KNG1: variants seen among roughly 807,000 people sequenced by gnomAD.
KNG1 encodes kininogen 1.
In KNG1, 23 loss-of-function variants were observed where a neutral mutation model predicts 47.8. The ratio of observed to expected loss-of-function variants is 0.48; its 90% CI spans 0.35 to 0.68. KNG1 has a LOEUF of 0.68. Among genes scored for constraint, KNG1 ranks in the 30% least tolerant of loss-of-function variants. The pLI is 0.01. For synonymous variants in KNG1, 277 were observed against 277.0 expected, an observed-to-expected ratio of 1.00 and a Z score of 0.00; for missense variants, 762 against 790.2, an observed-to-expected ratio of 0.96 and a Z score of 0.43.
chr3:186,725,380 G>C, intron 4 of KNG1, 120 bp downstream of exon 4: 1 of 969,744 alleles, frequency 1.0e-6, no homozygotes, highest in South Asian at 1.4e-5. Context: ...GAAGCGAAGA[G>C]CTTTCTCCTT....
At chr3:186,739,731 G>A (rs182792524) in intron 9 of KNG1, among the ~76,000 whole-genome samples, 3 of 152,328 alleles carry the variant, frequency 2.0e-5, no homozygotes, top group Admixed American at 1.3e-4. Context: ...GCACTCCACT[G>A]CATTCTGCTG....
chr3:186,719,585 C>G (rs974034927), intron 1 of KNG1, among the ~76,000 whole-genome samples: 1 of 151,896 alleles, frequency 6.6e-6, no homozygotes, highest in African/African-American at 2.4e-5. Context: ...AAAAAGTAGC[C>G]AGGCGTGGTG....
At chr3:186,730,529 G>A (rs1043250562) in intron 5 of KNG1, among the ~76,000 whole-genome samples, 6 of 151,116 alleles carry the variant, frequency 4.0e-5, no homozygotes, top group African/African-American at 9.7e-5. Context: ...GGTGGCAGAC[G>A]CCTGTAATCC....
Position 186,742,340 on chromosome 3 carries a change from G to C in KNG1, c.*9G>C. The C allele has an allele frequency of 6.2e-7, 1 of 1,613,226 alleles. No homozygotes were observed. Among genetic ancestry groups the C allele is most frequent in the Non-Finnish European group, 8.5e-7 (1 of 1,179,786 alleles). ...CTGATGGCCTTTCTTAATTTAAGTG[G>C]CTATGGGTATTTCTTTCATACTTTA... is the stretch of plus-strand genomic sequence containing the variant. On this transcript the variant is annotated 3_prime_UTR_variant, in exon 10 of 10. Transcript: ENST00000644859.
Position 186,739,171 on chromosome 3 carries a change from G to A in KNG1, c.1003G>A (p.Glu335Lys). Residue 335 changes from glutamate to lysine, a missense_variant, in exon 8 of 10, where the codon GAG becomes AAG. Glu to Lys is a moderately conservative substitution (Grantham distance 56). Coordinates refer to ENST00000644859, the MANE Select transcript of KNG1 (RefSeq NM_001102416.3). ...CACATGTTCCAAGGAAAGTAATGAA[G>A]AGTTGACCGAAAGCTGTGAGACCAA... ...ETTCSKESNE[E>K]LTESCETKKL... 6.2e-7 allele frequency: 1 copy of A among 1,614,202 alleles called. No homozygotes were observed. The highest frequency in any genetic ancestry group is 8.5e-7 in the Non-Finnish European group (1 of 1,180,042).
chr3:186,740,337 A>G (rs1188144800), intron 9 of KNG1, among the ~76,000 whole-genome samples: 1 of 152,094 alleles, frequency 6.6e-6, no homozygotes, highest in East Asian at 1.9e-4. Context: ...TTTCACCCAC[A>G]TTTTCGAGTC....
chr3:186,733,355 A>G (rs1474223721), intron 7 of KNG1, among the ~76,000 whole-genome samples: 2 of 152,176 alleles, frequency 1.3e-5, no homozygotes, highest in African/African-American at 4.8e-5. Flanking sequence ...CTCATCTCTC[A>G]TTATAACATC....
chr3:186,725,704 T>C (rs1579117587), intron 4 of KNG1, among the ~76,000 whole-genome samples: 2 of 127,044 alleles, frequency 1.6e-5, no homozygotes, highest in South Asian at 5.2e-4. Flanking sequence ...GCCACCACAC[T>C]GGCTAATTTT....
chr3:186,719,537 G>A (rs1248888620), intron 1 of KNG1, among the ~76,000 whole-genome samples: 3 of 152,092 alleles, frequency 2.0e-5, no homozygotes, highest in Admixed American at 6.5e-5. Context: ...TCAGGAGATC[G>A]AGACCATGGT....
rs375284071 is a variant in KNG1, at chr3:186,741,867, C to T, written c.1471C>T (p.Leu491Phe). The T allele has an allele frequency of 8.1e-6, 13 of 1,613,704 alleles. No homozygotes were observed. The highest frequency in any genetic ancestry group is 1.7e-6 in the Non-Finnish European group (2 of 1,179,824). ...DDLEHQGGHV[L>F]DHGHKHKHGH... ...TCTTGAACACCAAGGGGGCCATGTC[C>T]TTGACCATGGACATAAGCATAAGCA... is the stretch of plus-strand genomic sequence containing the variant. The change falls in exon 10 of 10, where the codon CTT (leucine) becomes TTT (phenylalanine). Residue 491 changes from leucine to phenylalanine, a missense_variant. Coordinates refer to ENST00000644859, the MANE Select transcript of KNG1 (RefSeq NM_001102416.3).
chr3:186,718,001 C>A, intron 1 of KNG1: 1 of 363,866 alleles, frequency 2.7e-6, no homozygotes, highest in Non-Finnish European at 5.1e-6. Context: ...CACCCACCAC[C>A]ACCCACCACC....
At position 186,723,410 on chromosome 3, in the gene KNG1, T is replaced by G. The variant is rs74925694; in HGVS notation, c.391+889T>G. 3.3e-4 allele frequency among the ~76,000 whole-genome samples: 50 copies of G among 152,214 alleles called. No homozygotes were observed. In the East Asian group the frequency reaches 8.7e-3, roughly 26 times the overall value. On this transcript the variant is annotated intron_variant, in intron 3 of 9. Coordinates refer to ENST00000644859, the MANE Select transcript of KNG1 (RefSeq NM_001102416.3). ...GTACCTATTCACCAACCTCTTCATT[T>G]CCCCCTTCTACCCGCTTACCCCGCT... is the stretch of plus-strand genomic sequence containing the variant.
Position 186,741,806 on chromosome 3 carries a change from T to C in KNG1, c.1410T>C (p.Gly470=). 6.2e-7 allele frequency: 1 copy of C among 1,614,014 alleles called. No individual in the cohort carries two copies. Among genetic ancestry groups the C allele is most frequent in the Non-Finnish European group, 8.5e-7 (1 of 1,179,950 alleles). ...GCCATGGACACGAACAACAGCATGG[T>C]CTTGGTCATGGACATAAGTTCAAAC... ...GLGHGHEQQH[G]LGHGHKFKLD... Residue 470 remains glycine (G), a synonymous_variant, in exon 10 of 10, where the codon GGT becomes GGC. Transcript: ENST00000644859.
intron 4 of KNG1, among the ~76,000 whole-genome samples, 190 bp from the exon 5 acceptor site, chr3:186,727,047 T>TGTGTGTGA (rs770978882): frequency 2.0e-5 from 3 of 151,770 alleles, no homozygotes; most frequent in African/African-American, 7.3e-5. Context: ...TGTGTTTGTG[T>TGTGTGTGA]GAGAGATATG....
intron 9 of KNG1, among the ~76,000 whole-genome samples, chr3:186,739,921 G>A (rs531802591): frequency 4.6e-5 from 7 of 152,004 alleles, no homozygotes; most frequent in East Asian, 1.9e-4. Flanking sequence ...GTGTGGTGGC[G>A]CCTGTAATCC....
In KNG1 at chr3:186,743,740, C is replaced by T. The variant is rs1720873116; in HGVS notation, c.*1409C>T. 6.2e-7 allele frequency: 1 copy of T among 1,613,960 alleles called. No homozygotes were observed. Among genetic ancestry groups the T allele is most frequent in the Non-Finnish European group, 8.5e-7 (1 of 1,179,990 alleles). ...GGTCCTGCGAGTACAAGGGTCGACC[C>T]CCAAAGGCAGGGGCAGAGCCAGCAT... On this transcript the variant is annotated 3_prime_UTR_variant, in exon 10 of 10. Coordinates refer to ENST00000644859, the MANE Select transcript of KNG1 (RefSeq NM_001102416.3).
intron 1 of KNG1, 116 bp from the exon 2 acceptor site, chr3:186,719,989 G>C (rs544832519): frequency 1.4e-6 from 1 of 738,064 alleles, no homozygotes; most frequent in South Asian, 1.4e-5. Flanking sequence ...TATATTTTAA[G>C]TGAATGCTTT....
chr3:186,740,087 A>G (rs1720769681), intron 9 of KNG1, among the ~76,000 whole-genome samples: 1 of 151,950 alleles, frequency 6.6e-6, no homozygotes, highest in South Asian at 2.1e-4. Flanking sequence ...AGACTCGCAA[A>G]CCCCACTTCA....
intron 5 of KNG1, 121 bp downstream of exon 5, chr3:186,727,465 C>T (rs1310956864): frequency 1.4e-6 from 1 of 710,126 alleles, no homozygotes; most frequent in Non-Finnish European, 2.5e-6. Flanking sequence ...AATTCATATT[C>T]ACATTTACTT....
Sources: allele counts gnomAD v4.1 joint callset (sites outside exome capture counted in the v4.1 genomes callset), GRCh38; gene constraint gnomAD v4.1.1; transcripts MANE v1.5; gene names NCBI Gene and HGNC (gene_info 2026-07-23, HGNC 2026-07-21).